Variants in SLC14A2 observed in about 807,000 individuals in gnomAD.
SLC14A2 encodes urea transporter 2.
SLC14A2 carries 91 observed loss-of-function variants against 104.6 expected under a neutral mutation model. That is an observed-to-expected ratio of 0.87 (90% CI 0.73 to 1.04). The LOEUF (loss-of-function observed/expected upper bound fraction) is 1.04, where lower values mean the gene tolerates loss of function less well. Ranked by LOEUF, SLC14A2 falls within the 50% of genes least tolerant of loss-of-function variation. The pLI is 0.00. For synonymous variants in SLC14A2, 476 were observed against 466.4 expected, an observed-to-expected ratio of 1.02 and a Z score of -0.27; for missense variants, 1,189 against 1,156.0, an observed-to-expected ratio of 1.03 and a Z score of -0.41.
chr18:45,281,328 T>C (rs2084760154), intron 1 of SLC14A2, among the ~76,000 whole-genome samples: 1 of 152,080 alleles, frequency 6.6e-6, no homozygotes, highest in Non-Finnish European at 1.5e-5. Flanking sequence ...GTTCATACCA[T>C]ACACACACAC....
At chr18:45,267,936 T>G (rs1568128103) in intron 1 of SLC14A2, among the ~76,000 whole-genome samples, 1 of 152,168 alleles carries the variant, frequency 6.6e-6, no homozygotes, top group Non-Finnish European at 1.5e-5. Flanking sequence ...TTTGTGTTCT[T>G]TCATCTCAAA....
intron 1 of SLC14A2, among the ~76,000 whole-genome samples, chr18:45,376,142 G>A (rs1168203376): frequency 6.6e-6 from 1 of 152,158 alleles, no homozygotes; most frequent in African/African-American, 2.4e-5. Flanking sequence ...TTCTCCTTGA[G>A]GCTTTTCTGG....
intron 2 of SLC14A2, among the ~76,000 whole-genome samples, chr18:45,577,328 C>G (rs1018157584): frequency 6.6e-6 from 1 of 152,094 alleles, no homozygotes. Context: ...AAGGAGCTAT[C>G]TTGCCTTTTA....
intron 1 of SLC14A2, among the ~76,000 whole-genome samples, chr18:45,223,917 A>G (rs774926565): frequency 7.9e-5 from 12 of 152,006 alleles, no homozygotes; most frequent in Non-Finnish European, 1.3e-4. Context: ...TATACATACA[A>G]ATTGCTATTA....
intron 2 of SLC14A2, among the ~76,000 whole-genome samples, chr18:45,508,656 T>A (rs534171248): frequency 1.6e-4 from 25 of 152,318 alleles, no homozygotes; most frequent in African/African-American, 6.0e-4. Flanking sequence ...TGCTCAACTT[T>A]CTACAAGATG....
In SLC14A2 at chr18:45,231,053, A is replaced by T. The variant is rs138655821; in HGVS notation, c.-125+17862A>T. On this transcript the variant is annotated intron_variant, in intron 1 of 20. Transcript: ENST00000586448. ...TACATTAGCCTACCAGCCTCCTGGA[A>T]ATGTCAAGGAATAGAAGGGCATTAC... Among the ~76,000 whole-genome samples the T allele has an allele frequency of 8.5e-5, 13 of 152,338 alleles. No individual in the cohort carries two copies. The East Asian group carries it at 2.1e-3, about 25-fold the overall frequency.
intron 2 of SLC14A2, among the ~76,000 whole-genome samples, chr18:45,585,553 T>C (rs1157479099): frequency 3.9e-5 from 6 of 152,180 alleles, no homozygotes; most frequent in Admixed American, 3.3e-4. Flanking sequence ...ACCAGAGAAG[T>C]TGACAGCCAA....
At chr18:45,466,038 C>T (rs1039597725) in intron 1 of SLC14A2, among the ~76,000 whole-genome samples, 5 of 152,118 alleles carry the variant, frequency 3.3e-5, no homozygotes, top group African/African-American at 1.2e-4. Context: ...ATCAGCCATG[C>T]CCCACAAGGT....
intron 1 of SLC14A2, among the ~76,000 whole-genome samples, chr18:45,318,041 G>A (rs951729852): frequency 2.6e-5 from 4 of 152,216 alleles, no homozygotes; most frequent in Non-Finnish European, 5.9e-5. Context: ...CTCAGCGGGA[G>A]CTAGGACCTG....
At chr18:45,242,508 T>G (rs1201703934) in intron 1 of SLC14A2, among the ~76,000 whole-genome samples, 1 of 152,244 alleles carries the variant, frequency 6.6e-6, no homozygotes, top group Non-Finnish European at 1.5e-5. Context: ...TATTACTAAC[T>G]GCTTTACTTT....
At chr18:45,264,403 C>G (rs1406297900) in intron 1 of SLC14A2, among the ~76,000 whole-genome samples, 1 of 152,190 alleles carries the variant, frequency 6.6e-6, no homozygotes, top group Non-Finnish European at 1.5e-5. Context: ...AACCCATACT[C>G]TTTTGAGAAA....
At chr18:45,395,565 C>T (rs1432510892) in intron 1 of SLC14A2, among the ~76,000 whole-genome samples, 2 of 151,826 alleles carry the variant, frequency 1.3e-5, no homozygotes, top group East Asian at 3.9e-4. Context: ...GTTTTTACCA[C>T]ATAATAAAAA....
At chr18:45,354,200 T>C (rs1432954384) in intron 1 of SLC14A2, among the ~76,000 whole-genome samples, 4 of 152,218 alleles carry the variant, frequency 2.6e-5, no homozygotes, top group Non-Finnish European at 5.9e-5. Context: ...TGATTCAAGC[T>C]TATCTAAGCT....
chr18:45,266,763 C>T (rs2084596009), intron 1 of SLC14A2, among the ~76,000 whole-genome samples: 1 of 152,084 alleles, frequency 6.6e-6, no homozygotes, highest in South Asian at 2.1e-4. Flanking sequence ...AACTGAGGAC[C>T]CATAATTGTA....
At position 45,641,258 on chromosome 18, in the gene SLC14A2, C is replaced by G. The variant is rs752684310; in HGVS notation, c.1041C>G (p.Ser347Arg). The G allele has an allele frequency of 6.2e-7, 1 of 1,614,188 alleles. No individual in the cohort carries two copies. The highest frequency in any genetic ancestry group is 8.5e-7 in the Non-Finnish European group (1 of 1,180,016). Residue 347 changes from serine to arginine, a missense_variant, in exon 8 of 20, where the codon AGC becomes AGG. Physicochemically the swap from Ser to Arg is moderately radical, Grantham distance 110. Coordinates refer to ENST00000255226, the MANE Select transcript of SLC14A2 (RefSeq NM_007163.4). ...PFETIYTGLW[S>R]YNCVLSCIAI... ...AGACCATCTACACAGGCCTCTGGAG[C>G]TACAACTGCGTCCTCTCCTGCATCG...
At chr18:45,559,036 G>A (rs946303809) in intron 2 of SLC14A2, among the ~76,000 whole-genome samples, 41 of 152,014 alleles carry the variant, frequency 2.7e-4, no homozygotes, top group African/African-American at 8.9e-4. Context: ...TGGTCCGCCC[G>A]CCTCGGCCTC....
intron 1 of SLC14A2, among the ~76,000 whole-genome samples, chr18:45,324,605 G>A (rs1199676321): frequency 6.6e-6 from 1 of 152,014 alleles, no homozygotes; most frequent in Admixed American, 6.6e-5. Flanking sequence ...GCAAGTCTTG[G>A]AACAAAGACT....
the SLC14A2 span, among the ~76,000 whole-genome samples, chr18:45,169,491 C>G: frequency 6.6e-6 from 1 of 152,078 alleles, no homozygotes; most frequent in African/African-American, 2.4e-5. Context: ...GTTGCTTCCA[C>G]TGGTGTTACC....
intron 2 of SLC14A2, among the ~76,000 whole-genome samples, chr18:45,494,308 A>G (rs2043053540): frequency 6.6e-6 from 1 of 152,228 alleles, no homozygotes; most frequent in African/African-American, 2.4e-5. Flanking sequence ...CATCATGTCC[A>G]TAGTCACTCA....
Sources: gnomAD v4.1 joint callset for allele counts (sites outside exome capture counted in the v4.1 genomes callset) on GRCh38, gnomAD v4.1.1 for gene constraint, MANE v1.5 for transcripts, NCBI Gene and HGNC (gene_info 2026-07-23, HGNC 2026-07-21) for gene names.